PPIA: variants seen among roughly 807,000 people sequenced by gnomAD.
The protein encoded by PPIA is peptidyl-prolyl cis-trans isomerase A.
In PPIA, 2 loss-of-function variants were observed where a neutral mutation model predicts 15.3. The observed-to-expected ratio is 0.13, with a 90% CI of 0.05 to 0.41. The LOEUF (loss-of-function observed/expected upper bound fraction) is 0.41, where lower values mean the gene tolerates loss of function less well. Among genes scored for constraint, PPIA ranks in the 10% least tolerant of loss-of-function variants. PPIA has a pLI of 0.99. For synonymous variants in PPIA, 67 were observed against 73.1 expected (o/e 0.92, Z 0.43); for missense variants, 103 against 210.3 (o/e 0.49, Z 3.16).
rs1368696162 is a variant in PPIA at position 44,801,443 on chromosome 7, T to C, written c.*21T>C. ...AATAAGTTTGACTTGTGTTTTATCT[T>C]AACCACCAGATCATTCCTTCTGTAG... On this transcript the variant is annotated 3_prime_UTR_variant, in exon 5 of 5. Coordinates refer to ENST00000468812, the MANE Select transcript of PPIA (RefSeq NM_021130.5). The C allele has an allele frequency of 2.7e-6, 4 of 1,496,442 alleles. No homozygotes were observed. In the South Asian group the frequency reaches 3.4e-5, roughly 13 times the overall value. 92.7% of individuals were successfully genotyped at this position (1,496,442 alleles called of 1,614,324 possible). A position where few individuals can be genotyped will look rare whatever the true frequency, so the allele number is the denominator to read the frequency against.
rs1792557136 is a variant in PPIA at position 44,801,432 on chromosome 7, G to A, written c.*10G>A. 2.0e-6 allele frequency: 3 copies of A among 1,521,102 alleles called. No homozygotes were observed. The highest frequency in any genetic ancestry group is 1.8e-6 in the Non-Finnish European group (2 of 1,107,900). 94.2% of individuals were successfully genotyped at this position (1,521,102 alleles called of 1,614,324 possible). On this transcript the variant is annotated 3_prime_UTR_variant, in exon 5 of 5. Coordinates refer to ENST00000468812, the MANE Select transcript of PPIA (RefSeq NM_021130.5). ...TGGACAACTCGAATAAGTTTGACTTGTGTTTTATCTTAACCACCAGATCAT... is the reference window on the plus strand; with the variant it reads ...TGGACAACTCGAATAAGTTTGACTTATGTTTTATCTTAACCACCAGATCAT...
At chr7:44,798,998 A>G (rs1007201802) in intron 1 of PPIA, 24 of 1,167,320 alleles carry the variant, frequency 2.1e-5, no homozygotes, top group Middle Eastern at 3.2e-4. Flanking sequence ...AGTTTGAGAC[A>G]CTTTCTAGAA....
chr7:44,799,331 G>C (rs1332232686), intron 2 of PPIA, 54 bp downstream of exon 2: 3 of 1,591,186 alleles, frequency 1.9e-6, no homozygotes, highest in Non-Finnish European at 2.6e-6. Flanking sequence ...CAGTTTGTGT[G>C]TGTGTGTGTA....
In PPIA at chr7:44,799,144, T is replaced by A. The variant is rs55749141; in HGVS notation, c.70-103T>A. On this transcript the variant is annotated intron_variant, in intron 1 of 4. Coordinates refer to ENST00000468812, the MANE Select transcript of PPIA (RefSeq NM_021130.5). ...GGAATTAAAGTAATTACTGAAGAAGTATTCTAGTGAGAAAATGAATTTATG... is the reference window on the plus strand; with the variant it reads ...GGAATTAAAGTAATTACTGAAGAAGAATTCTAGTGAGAAAATGAATTTATG... The A allele has an allele frequency of 4.2e-4, 551 of 1,321,200 alleles. 9 individuals are homozygous for A. In the East Asian group the frequency reaches 0.013, roughly 30 times the overall value. 81.8% of individuals were successfully genotyped at this position (1,321,200 alleles called of 1,614,324 possible). A position where few individuals can be genotyped will look rare whatever the true frequency, so the allele number is the denominator to read the frequency against.
rs1419742374 is a variant in PPIA, at chr7:44,801,453, A to C, written c.*31A>C. On this transcript the variant is annotated 3_prime_UTR_variant, in exon 5 of 5. Transcript: ENST00000468812. ...ACTTGTGTTTTATCTTAACCACCAG[A>C]TCATTCCTTCTGTAGCTCAGGAGAG... 1 of 1,488,910 alleles carries C rather than the reference A, an allele frequency of 6.7e-7. No individual in the cohort carries two copies. The highest frequency in any genetic ancestry group is 2.3e-5 in the East Asian group (1 of 44,336). The allele number at this position is 1,488,910 out of a possible 1,614,324, so 92.2% of individuals were successfully genotyped here.
chr7:44,798,980 G>A, intron 1 of PPIA: 3 of 1,198,040 alleles, frequency 2.5e-6, no homozygotes, highest in Non-Finnish European at 3.2e-6. Context: ...TAGGTGTGAT[G>A]TACTAAAAGT....
At chr7:44,798,846 G>A (rs747072449) in intron 1 of PPIA, 9 of 1,003,500 alleles carry the variant, frequency 9.0e-6, no homozygotes, top group Non-Finnish European at 9.5e-6. Context: ...GTGACTAAAA[G>A]AACAGCTGTT....
chr7:44,799,921 T>G, intron 4 of PPIA, 47 bp downstream of exon 4: 1 of 1,582,296 alleles, frequency 6.3e-7, no homozygotes, highest in African/African-American at 1.3e-5. Flanking sequence ...AATGAAAAGT[T>G]GCCCTGGGGG....
Position 44,799,325 on chromosome 7 carries a change from TTGTGTG to T in PPIA, c.101-57_101-52del, listed in dbSNP as rs142167741. On this transcript the variant is annotated intron_variant, in intron 2 of 4. Transcript: ENST00000468812. ...ACAAAGATGTTCCAATTGTGACAGT[TTGTGTG>T]TGTGTGTGTATATATATATTTTTAT... The T allele has an allele frequency of 4.6e-3, 7,311 of 1,601,724 alleles. 32 individuals are homozygous for T. The highest frequency in any genetic ancestry group is 5.4e-3 in the South Asian group (486 of 90,528).
At chr7:44,800,918 C>T (rs17860078) in intron 4 of PPIA, among the ~76,000 whole-genome samples, 1,911 of 152,014 alleles carry the variant, frequency 0.013, 18 homozygotes, top group South Asian at 0.035. Flanking sequence ...CCCAGGTTCA[C>T]GCCATTCTCC....
At chr7:44,800,287 T>G (rs963755291) in intron 4 of PPIA, 1 of 189,338 alleles carries the variant, frequency 5.3e-6, no homozygotes, top group African/African-American at 2.4e-5. Flanking sequence ...CGGGGTTTCA[T>G]CATGTTGGCC....
In PPIA at chr7:44,801,618, C is replaced by T; in HGVS notation, c.*196C>T. Reference sequence around the variant, plus strand: ...TAAGTTTATGATTATGAAATAAAAACTAAATAACAATTGTCCTCGTTTGAG... The same window carrying T: ...TAAGTTTATGATTATGAAATAAAAATTAAATAACAATTGTCCTCGTTTGAG... On this transcript the variant is annotated 3_prime_UTR_variant, in exon 5 of 5. Transcript: ENST00000468812. 1.9e-6 allele frequency: 1 copy of T among 516,004 alleles called. No homozygotes were observed. The highest frequency in any genetic ancestry group is 2.3e-5 in the South Asian group (1 of 44,210). The allele number at this position is 516,004 out of a possible 1,614,324, so 32.0% of individuals were successfully genotyped here. A position where few individuals can be genotyped will look rare whatever the true frequency, so the allele number is the denominator to read the frequency against.
At chr7:44,799,995 C>A (rs1792497726) in intron 4 of PPIA, 121 bp downstream of exon 4, 4 of 1,010,154 alleles carry the variant, frequency 4.0e-6, no homozygotes, top group Admixed American at 2.3e-5. Flanking sequence ...CCCTAAGATA[C>A]TAGAAGAAGA....
intron 1 of PPIA, among the ~76,000 whole-genome samples, chr7:44,797,625 G>C (rs1258117381): frequency 6.6e-6 from 1 of 152,186 alleles, no homozygotes; most frequent in Non-Finnish European, 1.5e-5. Flanking sequence ...GACCAAGGTG[G>C]ATTACCAGTG....
chr7:44,799,340 T>C (rs1792476265), intron 2 of PPIA, 52 bp from the exon 3 acceptor site: 1 of 1,597,052 alleles, frequency 6.3e-7, no homozygotes, highest in East Asian at 2.2e-5. Context: ...TGTGTGTGTG[T>C]ATATATATAT....
chr7:44,796,873 C>T, intron 1 of PPIA, 80 bp downstream of exon 1: 2 of 1,451,700 alleles, frequency 1.4e-6, no homozygotes, highest in Non-Finnish European at 1.9e-6. Flanking sequence ...CCCAAAGGCC[C>T]GGGCGCGGGG....
rs7784201 is a variant in PPIA, at chr7:44,802,289, T to C, written c.*867T>C. ...TCAGCCTCCTGAGTAGCTGGGATAATGGGCGTGTGCCACCATGCCCAGCTA... is the reference window on the plus strand; with the variant it reads ...TCAGCCTCCTGAGTAGCTGGGATAACGGGCGTGTGCCACCATGCCCAGCTA... On this transcript the variant is annotated 3_prime_UTR_variant, in exon 5 of 5. Coordinates refer to ENST00000468812, the MANE Select transcript of PPIA (RefSeq NM_021130.5). 0.96 allele frequency: 145,346 copies of C among 151,878 alleles called. 69,897 individuals are homozygous for C. Among genetic ancestry groups the C allele is most frequent in the Non-Finnish European group, 1 (67,995 of 68,030 alleles). 9.4% of individuals were successfully genotyped at this position (151,878 alleles called of 1,614,324 possible). A position where few individuals can be genotyped will look rare whatever the true frequency, so the allele number is the denominator to read the frequency against.
At chr7:44,797,370 C>T (rs937889102) in intron 1 of PPIA, among the ~76,000 whole-genome samples, 1 of 152,222 alleles carries the variant, frequency 6.6e-6, no homozygotes, top group African/African-American at 2.4e-5. Flanking sequence ...TGGGATGTGA[C>T]GGGTTGCCAC....
intron 1 of PPIA, chr7:44,798,912 C>A: frequency 9.3e-7 from 1 of 1,076,604 alleles, no homozygotes; most frequent in Non-Finnish European, 1.1e-6. Context: ...CTTGTAAGTT[C>A]TAGCTCAAGT....
Sources: gnomAD v4.1 joint callset for allele counts (sites outside exome capture counted in the v4.1 genomes callset) on GRCh38, gnomAD v4.1.1 for gene constraint, MANE v1.5 for transcripts, NCBI Gene and HGNC (gene_info 2026-07-23, HGNC 2026-07-21) for gene names.